The following PDE4C variants were observed in gnomAD, a reference collection of about 807,000 sequenced individuals.
PDE4C encodes 3',5'-cyclic-AMP phosphodiesterase 4C.
In PDE4C, 50 loss-of-function variants were observed where a neutral mutation model predicts 63.9. That is an observed-to-expected ratio of 0.78 (90% confidence interval 0.62 to 0.99). The LOEUF (loss-of-function observed/expected upper bound fraction) is 0.99. PDE4C is among the 50% of genes least tolerant of loss of function. PDE4C has a pLI of 0.00. For missense variants in PDE4C, 777 were observed against 899.1 expected (o/e 0.86, Z 1.74); for synonymous variants, 377 against 385.1 (o/e 0.98, Z 0.25).
At chr19:18,210,888 C>T (rs989600367) in exon 15 of PDE4C, 2 of 1,538,568 alleles carry the variant, frequency 1.3e-6, no homozygotes, top group Non-Finnish European at 1.8e-6. Context: ...AGCCAAAGGG[C>T]TTTACCATCC....
At chr19:18,254,668 G>T in the PDE4C span, among the ~76,000 whole-genome samples, 1 of 152,218 alleles carries the variant, frequency 6.6e-6, no homozygotes, top group African/African-American at 2.4e-5. Context: ...GGTCTGTGGG[G>T]TAGGACACCG....
At chr19:18,246,101 T>G (rs1413377869) in intron 1 of PDE4C, among the ~76,000 whole-genome samples, 1 of 149,462 alleles carries the variant, frequency 6.7e-6, no homozygotes, top group African/African-American at 2.5e-5. Flanking sequence ...CTGCAACCCC[T>G]GCCTTCCGGG....
chr19:18,248,224 G>A (rs1014733042), upstream of PDE4C: 3 of 456,262 alleles, frequency 6.6e-6, no homozygotes, highest in Non-Finnish European at 1.3e-5. Context: ...GTGAGGGAAG[G>A]AGGGGAGAAA....
At chr19:18,249,352 G>A (rs535285220), upstream of PDE4C, among the ~76,000 whole-genome samples, 168 of 151,984 alleles carry the variant, frequency 1.1e-3, no homozygotes, top group Non-Finnish European at 2.1e-3. Flanking sequence ...TCAGCTTACC[G>A]CAACCTCTGA....
At chr19:18,215,852 C>CA in intron 12 of PDE4C, among the ~76,000 whole-genome samples, 1 of 131,544 alleles carries the variant, frequency 7.6e-6, no homozygotes, top group Non-Finnish European at 1.6e-5. Flanking sequence ...TTTTTTGAGA[C>CA]AGAGTCTCAC....
chr19:18,232,374 CGTGTGTGTGTGT>C (rs4006742), intron 1 of PDE4C, among the ~76,000 whole-genome samples: 13 of 149,848 alleles, frequency 8.7e-5, no homozygotes, highest in African/African-American at 1.2e-4. Flanking sequence ...AAAATAAAAA[CGTGTGTGTGTGT>C]GTGTGTGTGT....
chr19:18,223,661 G>A (rs146421242), intron 1 of PDE4C, among the ~76,000 whole-genome samples: 13 of 152,336 alleles, frequency 8.5e-5, no homozygotes, highest in African/African-American at 2.9e-4. Flanking sequence ...TTTCTAACAT[G>A]TGCGTGATGT....
At chr19:18,221,028 G>A in intron 4 of PDE4C, 77 bp downstream of exon 4, 1 of 1,116,030 alleles carries the variant, frequency 9.0e-7, no homozygotes, top group Non-Finnish European at 1.2e-6. Flanking sequence ...CGGAGCCCCA[G>A]CCTCAATTTG....
chr19:18,225,266 C>T (rs556112069), intron 1 of PDE4C, among the ~76,000 whole-genome samples: 1 of 152,250 alleles, frequency 6.6e-6, no homozygotes, highest in South Asian at 2.1e-4. Flanking sequence ...CTGCGCGGGG[C>T]CGGCCCTCGT....
exon 15 of PDE4C, chr19:18,210,794 A>C: frequency 1.4e-6 from 2 of 1,428,784 alleles, no homozygotes; most frequent in Non-Finnish European, 1.8e-6. Flanking sequence ...ACCTATAACT[A>C]AGAGCTTGAT....
At chr19:18,242,854 G>A (rs1015059008) in intron 1 of PDE4C, among the ~76,000 whole-genome samples, 3 of 151,996 alleles carry the variant, frequency 2.0e-5, no homozygotes, top group African/African-American at 7.2e-5. Context: ...TGCTTCAGGG[G>A]CTGGGTGAGG....
chr19:18,226,098 G>A (rs1165870228), intron 1 of PDE4C, among the ~76,000 whole-genome samples, 172 bp downstream of exon 1: 1 of 152,222 alleles, frequency 6.6e-6, no homozygotes, highest in East Asian at 1.9e-4. Flanking sequence ...CAAAAGTAGG[G>A]TAAGGTAGGG....
chr19:18,224,194 G>A, intron 1 of PDE4C: 1 of 985,270 alleles, frequency 1.0e-6, no homozygotes, highest in East Asian at 1.1e-4. Flanking sequence ...GTCAGAGAAA[G>A]GGCGTAGGGC....
upstream of PDE4C, among the ~76,000 whole-genome samples, chr19:18,238,126 G>A (rs182761622): frequency 1.2e-4 from 18 of 152,188 alleles, no homozygotes; most frequent in African/African-American, 4.1e-4. Context: ...TCAGGAGGCT[G>A]AGGTGGGAGG....
chr19:18,219,294 G>A, exon 8 of PDE4C: 1 of 1,614,190 alleles, frequency 6.2e-7, no homozygotes, highest in Non-Finnish European at 8.5e-7. Context: ...TGGCTGAGGA[G>A]AGGCTGGCAC....
rs1487587008 is a variant in PDE4C at position 18,232,901 on chromosome 19, C to G, written c.242+49G>C. The G allele has an allele frequency of 7.1e-6, 10 of 1,418,292 alleles. No individual in the cohort carries two copies. In the East Asian group the frequency reaches 2.2e-4, roughly 31 times the overall value. The allele number at this position is 1,418,292 out of a possible 1,614,324, so 87.9% of individuals were successfully genotyped here. A position where few individuals can be genotyped will look rare whatever the true frequency, so the allele number is the denominator to read the frequency against. On this transcript the variant is annotated intron_variant, in intron 1 of 14. Coordinates refer to the PDE4C transcript ENST00000594465. ...ACCCTCCCCCACTCCCGCCAGGCCC[C>G]GCGCGCCCCTCCCCCGCGCTGCAGG...
At chr19:18,213,448 C>G in exon 13 of PDE4C, 1 of 1,613,578 alleles carries the variant, frequency 6.2e-7, no homozygotes, top group Non-Finnish European at 8.5e-7. Flanking sequence ...GTCTTGAGGT[C>G]GGCCAGGAGG....
At chr19:18,232,062 A>G (rs922977767) in intron 1 of PDE4C, among the ~76,000 whole-genome samples, 4 of 152,014 alleles carry the variant, frequency 2.6e-5, no homozygotes, top group African/African-American at 4.8e-5. Context: ...TGGCCCTTAT[A>G]TATCTATAAT....
At chr19:18,243,266 T>C (rs1176830041) in intron 1 of PDE4C, among the ~76,000 whole-genome samples, 1 of 152,054 alleles carries the variant, frequency 6.6e-6, no homozygotes, top group Non-Finnish European at 1.5e-5. Flanking sequence ...CCCACCACCA[T>C]GCCCAATTAA....
Sources: gnomAD v4.1 joint callset for allele counts (sites outside exome capture counted in the v4.1 genomes callset) on GRCh38, gnomAD v4.1.1 for gene constraint, MANE v1.5 for transcripts, NCBI Gene and HGNC (gene_info 2026-07-23, HGNC 2026-07-21) for gene names.